Variants in LAMB2 observed in about 807,000 individuals in gnomAD.
The protein encoded by LAMB2 is laminin subunit beta-2.
LAMB2 carries 119 observed loss-of-function variants against 202.7 expected under a neutral mutation model. The ratio of observed to expected loss-of-function variants is 0.59; its 90% CI spans 0.51 to 0.68. The LOEUF is 0.68. Among genes scored for constraint, LAMB2 ranks in the 30% least tolerant of loss-of-function variants. The pLI is 0.00. For missense variants in LAMB2, 2,124 were observed against 2,410.6 expected (o/e 0.88, Z 2.49); for synonymous variants, 818 against 902.2 (o/e 0.91, Z 1.67).
chr3:49,130,550 G>T lies in LAMB2; in HGVS notation c.1037-131C>A. On this transcript the variant is annotated intron_variant, in intron 8 of 31. Transcript: ENST00000305544. This position sits in a 1 kb window ranked among gnomAD's most constrained non-coding sequence, Gnocchi z 5.0. ...GGGGCTCAGGGACTTCAAGGCCTCA[G>T]CATCATACTGGTTCCCTACCCAGAG... The T allele has an allele frequency of 7.4e-7, 1 of 1,342,388 alleles. No individual in the cohort carries two copies. The highest frequency in any genetic ancestry group is 1.1e-6 in the Non-Finnish European group (1 of 943,020). 83.2% of individuals were successfully genotyped at this position (1,342,388 alleles called of 1,614,324 possible).
intron 15 of LAMB2, among the ~76,000 whole-genome samples, chr3:49,126,949 C>T (rs1459322367): frequency 1.3e-5 from 2 of 152,134 alleles, no homozygotes; most frequent in Admixed American, 6.5e-5. Context: ...AATTGTTCTT[C>T]AATCCCTCAT....
rs2045410193 is a variant in LAMB2 at position 49,126,020 on chromosome 3, G to C, written c.2291C>G (p.Ala764Gly). ...LVPSKTSPSE[A>G]CAPLLISLST... ...CAGGCTGATGAGGAGGGGTGCGCAG[G>C]CCTCAGAGGGAGAAGTCTTGCTGGG... is the stretch of plus-strand genomic sequence containing the variant. The change falls in exon 17 of 32, where the codon GCC (alanine) becomes GGC (glycine). Residue 764 changes from alanine to glycine, a missense_variant. By Grantham distance (60) the Ala-to-Gly change is moderately conservative (BLOSUM62 0). Coordinates refer to ENST00000305544, the MANE Select transcript of LAMB2 (RefSeq NM_002292.4). 6.2e-7 allele frequency: 1 copy of C among 1,614,066 alleles called. No homozygotes were observed. The highest frequency in any genetic ancestry group is 8.5e-7 in the Non-Finnish European group (1 of 1,180,040).
Position 49,128,694 on chromosome 3 carries a change from C to T in LAMB2, c.1857G>A (p.Met619Ile). Residue 619 changes from methionine (M) to isoleucine (I), a missense_variant, in exon 14 of 32, where the codon ATG becomes ATA. Coordinates refer to ENST00000305544, the MANE Select transcript of LAMB2 (RefSeq NM_002292.4). ...EFLVASVPKA[M>I]DYDLLLRLEP... ...CTAAGCGCAGCAGCAGGTCATAGTCCATAGCCTTCGGCACAGAGGCCACCA... is the reference window on the plus strand; with the variant it reads ...CTAAGCGCAGCAGCAGGTCATAGTCTATAGCCTTCGGCACAGAGGCCACCA... 1 of 1,614,194 alleles carries T rather than the reference C, an allele frequency of 6.2e-7. No homozygotes were observed. The highest frequency in any genetic ancestry group is 1.1e-5 in the South Asian group (1 of 91,084).
rs2045208302 is a variant in LAMB2, at chr3:49,121,158, C to G, written c.*68G>C. ...ATTGGGGGCCCTGCCGGGCCAAGAG[C>G]TCTTCAGTGCATAGGCAGACATGCA... On this transcript the variant is annotated 3_prime_UTR_variant, in exon 32 of 32. Transcript: ENST00000305544. 9 of 1,589,040 alleles carry G rather than the reference C, an allele frequency of 5.7e-6. No homozygotes were observed. Among genetic ancestry groups the G allele is most frequent in the Admixed American group, 1.7e-5 (1 of 59,602 alleles).
Position 49,133,008 on chromosome 3 carries a change from T to C in LAMB2, c.-141A>G. 1 of 724,856 alleles carries C rather than the reference T, an allele frequency of 1.4e-6. No individual in the cohort carries two copies. The highest frequency in any genetic ancestry group is 2.4e-6 in the Non-Finnish European group (1 of 413,728). The allele number at this position is 724,856 out of a possible 1,614,324, so 44.9% of individuals were successfully genotyped here. On this transcript the variant is annotated 5_prime_UTR_variant, in exon 1 of 32. Coordinates refer to ENST00000305544, the MANE Select transcript of LAMB2 (RefSeq NM_002292.4). ...GGCCCTCTGTCAGTTCCCAGGTCTG[T>C]CCAGCGGTCCCTCCGACAGCTTAGA...
In LAMB2 at chr3:49,121,939, C is replaced by G; in HGVS notation, c.4923+5G>C. On this transcript the variant is annotated splice_donor_5th_base_variant and intron_variant, in intron 29 of 31. Coordinates refer to ENST00000305544, the MANE Select transcript of LAMB2 (RefSeq NM_002292.4). ...TGTCCCACTGATGTCCTAGGAAGACCTCACCTGGTACAGGGTCTGCTCTGT... is the reference window on the plus strand; with the variant it reads ...TGTCCCACTGATGTCCTAGGAAGACGTCACCTGGTACAGGGTCTGCTCTGT... 1 of 1,614,004 alleles carries G rather than the reference C, an allele frequency of 6.2e-7. No individual in the cohort carries two copies. The highest frequency in any genetic ancestry group is 8.5e-7 in the Non-Finnish European group (1 of 1,180,030).
intron 15 of LAMB2, among the ~76,000 whole-genome samples, chr3:49,127,879 G>A (rs1364321595): frequency 6.6e-5 from 10 of 151,328 alleles, no homozygotes; most frequent in Non-Finnish European, 1.3e-4. Context: ...AACTAGCTGG[G>A]CGTGGTGGCG....
chr3:49,125,521 G>A (rs1171120022), intron 18 of LAMB2, 37 bp from the exon 19 acceptor site: 1 of 1,518,580 alleles, frequency 6.6e-7, no homozygotes, highest in Admixed American at 2.0e-5. Flanking sequence ...AGCCAGGGGA[G>A]GGGGTCTGAG....
rs780410640 is a variant in LAMB2, at chr3:49,130,813, G to A, written c.963C>T (p.Cys321=). ...ICKHNTRGLN[C]EQCQDFYRDL... is the part of the protein sequence containing the mutation. The stretch of plus-strand genomic sequence containing the variant: ...CACGATAGAAATCCTGACACTGCTC[G>A]CAGTTGAGGCCACGTGTGTTGTGTT... Residue 321 remains cysteine (C), a synonymous_variant, in exon 8 of 32, where the codon TGC becomes TGT. Coordinates refer to ENST00000305544, the MANE Select transcript of LAMB2 (RefSeq NM_002292.4). This position sits in a 1 kb window ranked among gnomAD's most constrained non-coding sequence, Gnocchi z 5.0. 1.2e-5 allele frequency: 20 copies of A among 1,614,026 alleles called. No homozygotes were observed. Among genetic ancestry groups the A allele is most frequent in the Non-Finnish European group, 1.6e-5 (19 of 1,180,036 alleles).
rs2045499170 is a variant in LAMB2 at position 49,133,037 on chromosome 3, C to A, written c.-170G>T. ...GCGGTCCCTCCGACAGCTTAGAGTC[C>A]AGCGACTTTGAGCAAAGTTGGGAAT... is the stretch of plus-strand genomic sequence containing the variant. On this transcript the variant is annotated 5_prime_UTR_variant, in exon 1 of 32. Transcript: ENST00000305544. 1 of 633,174 alleles carries A rather than the reference C, an allele frequency of 1.6e-6. No individual in the cohort carries two copies. The highest frequency in any genetic ancestry group is 2.7e-5 in the Admixed American group (1 of 36,576). 39.2% of individuals were successfully genotyped at this position (633,174 alleles called of 1,614,324 possible).
chr3:49,132,902 C>A lies in LAMB2; in HGVS notation c.-35G>T. 6.3e-7 allele frequency: 1 copy of A among 1,594,748 alleles called. No homozygotes were observed. The highest frequency in any genetic ancestry group is 8.6e-7 in the Non-Finnish European group (1 of 1,162,658). ...GGGAACAGGGATAAGGGGAGGTGAA[C>A]GGTCTCGGGCCCGAGCCCTCCTCCT... is the stretch of plus-strand genomic sequence containing the variant. On this transcript the variant is annotated 5_prime_UTR_variant, in exon 1 of 32. Coordinates refer to ENST00000305544, the MANE Select transcript of LAMB2 (RefSeq NM_002292.4). The surrounding 1 kb of genome is among the most constrained non-coding windows in gnomAD (Gnocchi z 4.6).
In LAMB2 at chr3:49,131,489, C is replaced by A; in HGVS notation, c.648+46G>T. The A allele has an allele frequency of 6.2e-7, 1 of 1,613,780 alleles. No homozygotes were observed. Among genetic ancestry groups the A allele is most frequent in the Non-Finnish European group, 8.5e-7 (1 of 1,179,770 alleles). ...AGTCACACTGGACCTTGCCTCAGGC[C>A]CATCATCCCCAGCTTCCAGCCCCCA... is the stretch of plus-strand genomic sequence containing the variant. On this transcript the variant is annotated intron_variant, in intron 5 of 31. Coordinates refer to ENST00000305544, the MANE Select transcript of LAMB2 (RefSeq NM_002292.4). This position sits in a 1 kb window ranked among gnomAD's most constrained non-coding sequence, Gnocchi z 5.0.
chr3:49,129,200 A>G lies in LAMB2; in HGVS notation c.1598+45T>C, dbSNP rs1296381606. 6.2e-7 allele frequency: 1 copy of G among 1,614,040 alleles called. No homozygotes were observed. ...TCAAGAAGAACCTTCTCTTCTGCTC[A>G]GGATCTTTCCCCATCCCTTCCCAGG... is the stretch of plus-strand genomic sequence containing the variant. On this transcript the variant is annotated intron_variant, in intron 12 of 31. Transcript: ENST00000305544. The surrounding 1 kb of genome is among the most constrained non-coding windows in gnomAD (Gnocchi z 6.1).
chr3:49,132,702 T>G lies in LAMB2; in HGVS notation c.77-39A>C. On this transcript the variant is annotated intron_variant, in intron 1 of 31. Coordinates refer to ENST00000305544, the MANE Select transcript of LAMB2 (RefSeq NM_002292.4). The surrounding 1 kb of genome is among the most constrained non-coding windows in gnomAD (Gnocchi z 4.6). ...CTCAGTCAGTTCCGCTGAGTTCCTA[T>G]CCAGTGGCTCCACCTCATGTGCCCC... 1 of 1,613,944 alleles carries G rather than the reference T, an allele frequency of 6.2e-7. No homozygotes were observed. Among genetic ancestry groups the G allele is most frequent in the Non-Finnish European group, 8.5e-7 (1 of 1,179,858 alleles).
intron 31 of LAMB2, 33 bp downstream of exon 31, chr3:49,121,400 G>A (rs751017991): frequency 3.1e-6 from 5 of 1,614,080 alleles, no homozygotes; most frequent in Admixed American, 3.3e-5. Flanking sequence ...GGGGTTTCCC[G>A]CAGTCTTGTG....
rs757124982 is a variant in LAMB2, at chr3:49,132,395, T to C, written c.260A>G (p.Lys87Arg). 9 of 1,614,238 alleles carry C rather than the reference T, an allele frequency of 5.6e-6. No individual in the cohort carries two copies. The highest frequency in any genetic ancestry group is 7.6e-6 in the Non-Finnish European group (9 of 1,180,048). Residue 87 changes from lysine to arginine, a missense_variant, in exon 3 of 32, where the codon AAG (lysine) becomes AGG (arginine). Lys to Arg is a conservative substitution (Grantham distance 26). Around this residue, in one of 3 missense-constraint regions of LAMB2, gnomAD observed 166 missense variants for 158.2 expected, o/e 1.05. Transcript: ENST00000305544. The surrounding 1 kb of genome is among the most constrained non-coding windows in gnomAD (Gnocchi z 4.6). ...CIVSHLQDEK[K>R]CFLCDSRRPF... is the part of the protein sequence containing the mutation. Reference sequence around the variant, plus strand: ...GCGCCGGGAGTCACAAAGGAAGCACTTCTTTTCGTCCTGGGTTGGATGGGG... The same window carrying C: ...GCGCCGGGAGTCACAAAGGAAGCACCTCTTTTCGTCCTGGGTTGGATGGGG...
rs773030097 is a variant in LAMB2, at chr3:49,132,090, G to A, written c.459+26C>T. ...AATGGAGAGCCAAGCAGGGTGATTC[G>A]GGCAGGCTCCCAGATATGCAGGCAC... On this transcript the variant is annotated intron_variant, in intron 4 of 31. Transcript: ENST00000305544. The surrounding 1 kb of genome is among the most constrained non-coding windows in gnomAD (Gnocchi z 4.6). 45 of 1,607,508 alleles carry A rather than the reference G, an allele frequency of 2.8e-5. No individual in the cohort carries two copies. Among genetic ancestry groups the A allele is most frequent in the Non-Finnish European group, 3.5e-5 (41 of 1,174,270 alleles).
Position 49,132,851 on chromosome 3 carries a change from C to T in LAMB2, c.17G>A (p.Arg6Lys). Residue 6 changes from arginine (R) to lysine (K), a missense_variant, in exon 1 of 32, where the codon AGG becomes AAG. Transcript: ENST00000305544. The surrounding 1 kb of genome is among the most constrained non-coding windows in gnomAD (Gnocchi z 4.6). MELTS[R>K]ERGRGQPLPW... ...CAGAGGCTGTCCCCTCCCTCTTTCC[C>T]TTGAGGTCAGCTCCATCCTGAAGAG... 6.2e-7 allele frequency: 1 copy of T among 1,614,118 alleles called. No individual in the cohort carries two copies. The highest frequency in any genetic ancestry group is 8.5e-7 in the Non-Finnish European group (1 of 1,180,026).
chr3:49,128,546 G>C lies in LAMB2; in HGVS notation c.1930C>G (p.Arg644Gly). ...QWAELELIVQRPGPVPAHSLC... is the reference protein window; with the variant it reads ...QWAELELIVQGPGPVPAHSLC... ...CTGTGGGCAGGCACAGGCCCTGGAC[G>C]CTGCACAATCAGTTCCAACTCTGCC... is the stretch of plus-strand genomic sequence containing the variant. Residue 644 changes from arginine (R) to glycine (G), a missense_variant, in exon 15 of 32, where the codon CGT (arginine) becomes GGT (glycine). Physicochemically the swap from Arg to Gly is moderately radical, Grantham distance 125 (BLOSUM62 -2). Coordinates refer to ENST00000305544, the MANE Select transcript of LAMB2 (RefSeq NM_002292.4). The C allele has an allele frequency of 1.9e-6, 3 of 1,614,190 alleles. No individual in the cohort carries two copies. Among genetic ancestry groups the C allele is most frequent in the African/African-American group, 1.3e-5 (1 of 75,060 alleles).
Sources: allele counts gnomAD v4.1 joint callset (sites outside exome capture counted in the v4.1 genomes callset), GRCh38; gene constraint gnomAD v4.1.1; regional missense constraint gnomAD v4.1.1; non-coding constraint Gnocchi (gnomAD v3.1); transcripts MANE v1.5; gene names NCBI Gene and HGNC (gene_info 2026-07-23, HGNC 2026-07-21).